The following NUP98 variants were observed in gnomAD, a reference collection of about 807,000 sequenced individuals.
NUP98 encodes the protein nuclear pore complex protein Nup98-Nup96.
A neutral mutation model predicts 191.9 loss-of-function variants in NUP98; 26 were observed. That is an observed-to-expected ratio of 0.14 (90% CI 0.10 to 0.19). The LOEUF (loss-of-function observed/expected upper bound fraction) is 0.19, where lower values mean the gene tolerates loss of function less well. NUP98 is among the 10% of genes least tolerant of loss of function. The probability of loss-of-function intolerance (pLI) is 1.00; values close to 1 mark genes in which losing one functional copy is unlikely to be tolerated. For synonymous variants in NUP98, 808 were observed against 778.4 expected (o/e 1.04, Z -0.63); for missense variants, 1,941 against 2,178.8 (o/e 0.89, Z 2.17).
At chr11:3,768,491 G>C (rs1564906255) in intron 8 of NUP98, 90 bp downstream of exon 8, 1 of 1,187,004 alleles carries the variant, frequency 8.4e-7, no homozygotes, top group Non-Finnish European at 1.1e-6. Context: ...TTGCAGTACA[G>C]GTAGAATTTG....
intron 4 of NUP98, 36 bp from the exon 5 acceptor site, chr11:3,776,057 A>T (rs2081712393): frequency 2.6e-6 from 4 of 1,513,876 alleles, no homozygotes; most frequent in Non-Finnish European, 3.6e-6. Context: ...CGATAACAGT[A>T]AGAAATTTAA....
chr11:3,694,154 C>T (rs1184136999), intron 26 of NUP98, among the ~76,000 whole-genome samples: 1 of 151,740 alleles, frequency 6.6e-6, no homozygotes, highest in Non-Finnish European at 1.5e-5. Context: ...GGTGGATCAC[C>T]TGAGGTCGGG....
chr11:3,730,362 C>CT (rs374012998), intron 14 of NUP98, among the ~76,000 whole-genome samples: 72 of 145,660 alleles, frequency 4.9e-4, no homozygotes, highest in Admixed American at 9.0e-4. Context: ...GTTACATTTT[C>CT]TTTTTTTTTT....
chr11:3,676,815 G>GTTGGC (rs2077827916), intron 31 of NUP98, 195 bp from the exon 32 acceptor site: 12 of 701,064 alleles, frequency 1.7e-5, no homozygotes, highest in African/African-American at 5.2e-5. Flanking sequence ...CAAGAGGAAG[G>GTTGGC]TAACACAGTT....
At chr11:3,796,059 C>T (rs986496305) in intron 1 of NUP98, among the ~76,000 whole-genome samples, 17 of 152,338 alleles carry the variant, frequency 1.1e-4, no homozygotes, top group African/African-American at 3.8e-4. Context: ...CCCTAACTTC[C>T]TCCACCAGGT....
intron 24 of NUP98, among the ~76,000 whole-genome samples, chr11:3,700,066 CAAG>C (rs2078627770): frequency 6.6e-6 from 1 of 152,034 alleles, no homozygotes; most frequent in Non-Finnish European, 1.5e-5. Context: ...TTTAGAAAAG[CAAG>C]AAGGGGCCGG....
intron 28 of NUP98, 82 bp downstream of exon 28, chr11:3,691,265 A>G (rs2078301805): frequency 4.7e-6 from 7 of 1,500,684 alleles, no homozygotes; most frequent in Admixed American, 1.8e-5. Context: ...CTGGGGACAT[A>G]TAAAAGGGAA....
intron 1 of NUP98, among the ~76,000 whole-genome samples, chr11:3,789,739 G>A (rs977429358): frequency 6.6e-6 from 1 of 151,700 alleles, no homozygotes; most frequent in Non-Finnish European, 1.5e-5. Context: ...CTAAAGTGCA[G>A]GGATTATAGG....
chr11:3,731,905 A>C (rs2079866932), intron 13 of NUP98, among the ~76,000 whole-genome samples: 1 of 152,202 alleles, frequency 6.6e-6, no homozygotes, highest in Admixed American at 6.5e-5. Context: ...ATGTCATGTC[A>C]GTGCAAAGTT....
At chr11:3,708,189 C>T (rs957544520) in intron 20 of NUP98, among the ~76,000 whole-genome samples, 8 of 152,112 alleles carry the variant, frequency 5.3e-5, no homozygotes, top group African/African-American at 1.9e-4. Flanking sequence ...TCACTAAGTT[C>T]AACACTTATT....
At chr11:3,711,775 T>G in intron 20 of NUP98, 4 of 832,156 alleles carry the variant, frequency 4.8e-6, no homozygotes, top group Non-Finnish European at 4.4e-6. Flanking sequence ...TTTCCCACAT[T>G]TATCATACCC....
At chr11:3,782,005 A>T (rs1237697688) in intron 2 of NUP98, 37 bp downstream of exon 2, 1 of 1,414,606 alleles carries the variant, frequency 7.1e-7, no homozygotes, top group Non-Finnish European at 9.9e-7. Context: ...AAGGGAGATT[A>T]AGGTTTCTCC....
At chr11:3,694,227 C>T (rs996182164) in intron 26 of NUP98, among the ~76,000 whole-genome samples, 4 of 151,948 alleles carry the variant, frequency 2.6e-5, no homozygotes, top group Non-Finnish European at 5.9e-5. Context: ...AAAAATTAGC[C>T]AGGCGTGGTG....
intron 24 of NUP98, 63 bp downstream of exon 24, chr11:3,700,547 T>G: frequency 2.5e-6 from 3 of 1,182,562 alleles, no homozygotes; most frequent in Non-Finnish European, 3.7e-6. Context: ...CATCCTCCCG[T>G]GAACATACGC....
intron 1 of NUP98, among the ~76,000 whole-genome samples, chr11:3,792,972 G>A (rs1381027860): frequency 6.6e-6 from 1 of 152,066 alleles, no homozygotes; most frequent in East Asian, 1.9e-4. Context: ...TTAGCCCAGC[G>A]TGGTGATGTG....
intron 10 of NUP98, among the ~76,000 whole-genome samples, chr11:3,759,770 C>A (rs1053542594): frequency 6.6e-6 from 1 of 151,110 alleles, no homozygotes; most frequent in African/African-American, 2.4e-5. Flanking sequence ...TTTTTGAAAC[C>A]GTAAAAAATA....
intron 20 of NUP98, chr11:3,711,947 G>A (rs760213653): frequency 2.3e-5 from 24 of 1,042,860 alleles, no homozygotes; most frequent in Non-Finnish European, 2.4e-5. Context: ...AGAGGTAGAG[G>A]ATGCTTTACA....
intron 11 of NUP98, among the ~76,000 whole-genome samples, chr11:3,750,956 T>G (rs2080727370): frequency 6.6e-6 from 1 of 152,180 alleles, no homozygotes; most frequent in Non-Finnish European, 1.5e-5. Context: ...TAATTCTACT[T>G]CATTTTCTTC....
chr11:3,762,844 A>T, intron 9 of NUP98, 58 bp downstream of exon 9: 2 of 1,582,628 alleles, frequency 1.3e-6, no homozygotes, highest in Non-Finnish European at 1.7e-6. Flanking sequence ...CTTAGAAGAA[A>T]ATTCCTTTTA....
Sources: gnomAD v4.1 joint callset for allele counts (sites outside exome capture counted in the v4.1 genomes callset) on GRCh38, gnomAD v4.1.1 for gene constraint, MANE v1.5 for transcripts, NCBI Gene and HGNC (gene_info 2026-07-23, HGNC 2026-07-21) for gene names.